PLXNA1: variants seen among roughly 807,000 people sequenced by gnomAD.
PLXNA1 encodes plexin A1.
Under a neutral mutation model 191.7 loss-of-function variants are expected in PLXNA1, and 77 were observed. The ratio of observed to expected loss-of-function variants is 0.40; its 90% confidence interval spans 0.33 to 0.49. The LOEUF (loss-of-function observed/expected upper bound fraction) is 0.49, where lower values mean the gene tolerates loss of function less well. Among genes scored for constraint, PLXNA1 ranks in the 20% least tolerant of loss-of-function variants. The probability of loss-of-function intolerance (pLI) is 0.63; values close to 1 mark genes in which losing one functional copy is unlikely to be tolerated. For synonymous variants in PLXNA1, 1,137 were observed against 1,156.4 expected (o/e 0.98, Z 0.34); for missense variants, 2,110 against 2,660.2 (o/e 0.79, Z 4.55).
intron 25 of PLXNA1, 70 bp from the exon 26 acceptor site, chr3:127,028,923 C>T: frequency 2.4e-6 from 3 of 1,259,996 alleles, no homozygotes; most frequent in South Asian, 2.5e-5. Context: ...CCCCGTCCCA[C>T]TACACTGCTG....
chr3:127,028,536 C>A (rs534505359), intron 25 of PLXNA1, among the ~76,000 whole-genome samples, 196 bp downstream of exon 25: 1 of 152,150 alleles, frequency 6.6e-6, no homozygotes, highest in Non-Finnish European at 1.5e-5. Context: ...TGGGCAGAGA[C>A]TCTGGGAGGT....
At chr3:127,031,344 C>T (rs2079209896) in intron 29 of PLXNA1, among the ~76,000 whole-genome samples, 1 of 152,304 alleles carries the variant, frequency 6.6e-6, no homozygotes, top group Admixed American at 6.5e-5. Flanking sequence ...CCTCTCTGTG[C>T]ACCAGGCCCC....
At position 127,004,972 on chromosome 3, in the gene PLXNA1, G is replaced by A. The variant is rs1372904955; in HGVS notation, c.1707G>A (p.Gln569=). ...DLLQCVQLTV[Q]PRNVSVTMSQ... ...TGCAGTGTGTGCAGCTGACTGTGCA[G>A]CCCCGCAATGTGTCTGTCACCATGT... Residue 569 remains glutamine, a synonymous_variant, in exon 6 of 32, where the codon CAG becomes CAA. Transcript: ENST00000393409. 1.2e-6 allele frequency: 2 copies of A among 1,610,148 alleles called. No homozygotes were observed. Among genetic ancestry groups the A allele is most frequent in the East Asian group, 2.2e-5 (1 of 44,796 alleles).
intron 1 of PLXNA1, among the ~76,000 whole-genome samples, chr3:126,985,962 T>G (rs1166354435): frequency 9.0e-6 from 1 of 110,722 alleles, no homozygotes; most frequent in Non-Finnish European, 1.9e-5. Flanking sequence ...GGCAAGTCCC[T>G]TCCCAGCAGA....
chr3:127,019,761 T>A (rs1374141967), intron 20 of PLXNA1, among the ~76,000 whole-genome samples: 1 of 152,140 alleles, frequency 6.6e-6, no homozygotes, highest in African/African-American at 2.4e-5. Flanking sequence ...CTGAGCAGGG[T>A]GGGCCATGTT....
intron 10 of PLXNA1, 48 bp downstream of exon 10, chr3:127,012,206 G>T (rs770687107): frequency 1.3e-6 from 2 of 1,576,408 alleles, no homozygotes; most frequent in Non-Finnish European, 1.7e-6. Flanking sequence ...GGAATGGGCC[G>T]GTTATCCTCA....
Position 127,034,377 on chromosome 3 carries a change from G to A in PLXNA1, c.*360G>A, listed in dbSNP as rs148247215. On this transcript the variant is annotated 3_prime_UTR_variant, in exon 32 of 32. Transcript: ENST00000393409. ...GTGAGGCCAGGGCCCTCCAGGGGGAGGGGTAGCCAGCTTGGGCTGTCCCCT... is the reference window on the plus strand; with the variant it reads ...GTGAGGCCAGGGCCCTCCAGGGGGAAGGGTAGCCAGCTTGGGCTGTCCCCT... The A allele has an allele frequency of 5.1e-6, 1 of 197,162 alleles. No individual in the cohort carries two copies. Among genetic ancestry groups the A allele is most frequent in the Middle Eastern group, 1.8e-3 (1 of 542 alleles). The allele number at this position is 197,162 out of a possible 1,614,324, so 12.2% of individuals were successfully genotyped here. A position where few individuals can be genotyped will look rare whatever the true frequency, so the allele number is the denominator to read the frequency against.
intron 9 of PLXNA1, among the ~76,000 whole-genome samples, chr3:127,010,244 A>C (rs1177140720): frequency 6.6e-6 from 1 of 152,158 alleles, no homozygotes; most frequent in Non-Finnish European, 1.5e-5. Flanking sequence ...TACCGGGGAG[A>C]CTATGCACTG....
chr3:127,006,606 G>A (rs963961293), intron 8 of PLXNA1, among the ~76,000 whole-genome samples: 3 of 152,132 alleles, frequency 2.0e-5, no homozygotes, highest in African/African-American at 7.2e-5. Context: ...GAGGAGCTGC[G>A]GGCTGGTTTG....
chr3:127,036,971 G>A lies in PLXNA1; in HGVS notation c.*2954G>A, dbSNP rs1330442446. On this transcript the variant is annotated 3_prime_UTR_variant, in exon 32 of 32. Coordinates refer to ENST00000393409, the MANE Select transcript of PLXNA1 (RefSeq NM_032242.4). ...AGGACCACTGGCCCCTTGGCCTGAG[G>A]GGCTGGGGGCCCCACGACCTGCAGC... The A allele has an allele frequency of 6.6e-6, 1 of 152,334 alleles. No individual in the cohort carries two copies. The highest frequency in any genetic ancestry group is 1.5e-5 in the Non-Finnish European group (1 of 68,056). 9.4% of individuals were successfully genotyped at this position (152,334 alleles called of 1,614,324 possible).
intron 9 of PLXNA1, among the ~76,000 whole-genome samples, chr3:127,008,474 C>T (rs1009970366): frequency 5.9e-5 from 9 of 152,150 alleles, no homozygotes; most frequent in African/African-American, 1.9e-4. Context: ...TTATGAACAG[C>T]AGGCTGTTCC....
intron 15 of PLXNA1, 134 bp downstream of exon 15, chr3:127,015,454 C>A: frequency 8.3e-7 from 1 of 1,203,448 alleles, no homozygotes; most frequent in Non-Finnish European, 1.1e-6. Context: ...AACCCAGAGG[C>A]GGAGGTTACC....
In PLXNA1 at chr3:127,028,989, C is replaced by G; in HGVS notation, c.4670-4C>G. On this transcript the variant is annotated splice_region_variant and splice_polypyrimidine_tract_variant and intron_variant, in intron 25 of 31. Transcript: ENST00000393409. ...CCCCACCCTCCAGCTCCCTCCTCCCCCAGAGTGGCGCCAGGGCCGCATGGC... is the reference window on the plus strand; with the variant it reads ...CCCCACCCTCCAGCTCCCTCCTCCCGCAGAGTGGCGCCAGGGCCGCATGGC... The G allele has an allele frequency of 1.2e-6, 2 of 1,611,212 alleles. No homozygotes were observed. The highest frequency in any genetic ancestry group is 1.3e-5 in the African/African-American group (1 of 75,030).
Position 127,029,426 on chromosome 3 carries a change from C to G in PLXNA1, c.4774-14C>G, listed in dbSNP as rs764564187. 6.2e-7 allele frequency: 1 copy of G among 1,612,762 alleles called. No homozygotes were observed. The highest frequency in any genetic ancestry group is 1.7e-5 in the Admixed American group (1 of 60,022). On this transcript the variant is annotated splice_polypyrimidine_tract_variant and intron_variant, in intron 26 of 31. Transcript: ENST00000393409. ...CCCTGGTGGGTCACAGGGTCCCTGG[C>G]CCTCTGCCCACAGGTGACAGACGGG... is the stretch of plus-strand genomic sequence containing the variant.
At position 127,029,042 on chromosome 3, in the gene PLXNA1, C is replaced by A; in HGVS notation, c.4719C>A (p.Val1573=). The change falls in exon 26 of 32, where the codon GTC becomes GTA. Residue 1573 remains valine (V), a synonymous_variant. Coordinates refer to ENST00000393409, the MANE Select transcript of PLXNA1 (RefSeq NM_032242.4). The part of the protein sequence containing the change: ...MARIILQDED[V]TTKIDNDWKR... ...GCATCATCCTGCAGGACGAGGACGTCACCACCAAGATTGACAACGATTGGA... is the reference window on the plus strand; with the variant it reads ...GCATCATCCTGCAGGACGAGGACGTAACCACCAAGATTGACAACGATTGGA... The A allele has an allele frequency of 6.2e-7, 1 of 1,613,770 alleles. No homozygotes were observed.
At chr3:127,004,507 G>C in intron 4 of PLXNA1, 104 bp from the exon 5 acceptor site, 1 of 802,256 alleles carries the variant, frequency 1.2e-6, no homozygotes, top group Non-Finnish European at 2.1e-6. Context: ...AACAAGTGCA[G>C]GGCCTCCCCG....
At chr3:127,007,498 G>A (rs1391713583) in intron 8 of PLXNA1, among the ~76,000 whole-genome samples, 1 of 152,210 alleles carries the variant, frequency 6.6e-6, no homozygotes, top group African/African-American at 2.4e-5. Context: ...TGGCAGTCAG[G>A]TGGTGATCAA....
In PLXNA1 at chr3:127,032,845, C is replaced by A. The variant is rs562165449; in HGVS notation, c.5595+9C>A. 73 of 1,612,138 alleles carry A rather than the reference C, an allele frequency of 4.5e-5. No homozygotes were observed. Among genetic ancestry groups the A allele is most frequent in the Admixed American group, 2.8e-4 (17 of 59,964 alleles). On this transcript the variant is annotated intron_variant, in intron 31 of 31. Coordinates refer to ENST00000393409, the MANE Select transcript of PLXNA1 (RefSeq NM_032242.4). ...CCAAGTACAAGGATGAGGTGAACAC[C>A]GTGGGAGCCCACAGGCTGGGCTAGG... is the stretch of plus-strand genomic sequence containing the variant.
intron 3 of PLXNA1, among the ~76,000 whole-genome samples, chr3:126,994,840 G>C (rs569575318): frequency 6.6e-6 from 1 of 152,182 alleles, no homozygotes; most frequent in African/African-American, 2.4e-5. Context: ...GGGAGAGGCC[G>C]GGCCCCGGGG....
Sources: allele counts gnomAD v4.1 joint callset (sites outside exome capture counted in the v4.1 genomes callset), GRCh38; gene constraint gnomAD v4.1.1; transcripts MANE v1.5; gene names NCBI Gene and HGNC (gene_info 2026-07-23, HGNC 2026-07-21).